RTN4R: variants seen among roughly 807,000 people sequenced by gnomAD.
RTN4R encodes reticulon-4 receptor.
A neutral mutation model predicts 27.7 loss-of-function variants in RTN4R; 4 were observed. The observed-to-expected ratio is 0.14, with a 90% confidence interval of 0.07 to 0.33. RTN4R has a LOEUF of 0.33. Among genes scored for constraint, RTN4R ranks in the 10% least tolerant of loss-of-function variants. The pLI is 1.00. For missense variants in RTN4R, 554 were observed against 671.5 expected (o/e 0.83, Z 1.93); for synonymous variants, 290 against 305.6 (o/e 0.95, Z 0.53).
intron 1 of RTN4R, among the ~76,000 whole-genome samples, chr22:20,250,607 C>T (rs1602642839): frequency 1.3e-5 from 2 of 152,308 alleles, no homozygotes; most frequent in East Asian, 1.9e-4. Context: ...AGGCTCAGCT[C>T]TGTGGAGACC....
At chr22:20,251,660 CCA>C in intron 1 of RTN4R, among the ~76,000 whole-genome samples, 1 of 112,004 alleles carries the variant, frequency 8.9e-6, no homozygotes, top group South Asian at 3.7e-4. Flanking sequence ...ATCACCATCA[CCA>C]TCCTCAACAC....
At position 20,242,638 on chromosome 22, in the gene RTN4R, C is replaced by T. The variant is rs372890795; in HGVS notation, c.495G>A (p.Ala165=). 2.6e-4 allele frequency: 425 copies of T among 1,611,688 alleles called. 4 individuals carry two copies. In the South Asian group the frequency reaches 4.0e-3, roughly 15 times the overall value. ...ALQYLYLQDN[A]LQALPDDTFR... is the part of the protein sequence containing the mutation. ...AGGTGTCATCAGGCAGTGCCTGCAG[C>T]GCGTTGTCCTGCAGGTAGAGGTACT... The change falls in exon 2 of 2, where the codon GCG becomes GCA. Residue 165 remains alanine, a synonymous_variant. Coordinates refer to ENST00000043402, the MANE Select transcript of RTN4R (RefSeq NM_023004.6).
intron 1 of RTN4R, among the ~76,000 whole-genome samples, chr22:20,266,925 C>A (rs759690131): frequency 1.3e-5 from 2 of 152,270 alleles, no homozygotes; most frequent in Non-Finnish European, 2.9e-5. Flanking sequence ...GACACGGAGG[C>A]AGGCAGGCAG....
In RTN4R at chr22:20,242,758, T is replaced by C. The variant is rs1303319249; in HGVS notation, c.375A>G (p.Thr125=). ...TGTGTAGGCGGCCCAGGCCGTGGAA[T>C]GTGGCAGGGTCCACAGACCGGAGCT... ...NAQLRSVDPA[T]FHGLGRLHTL... is the part of the protein sequence containing the mutation. The change falls in exon 2 of 2, where the codon ACA becomes ACG. Residue 125 remains threonine (T), a synonymous_variant. Transcript: ENST00000043402. 6.2e-7 allele frequency: 1 copy of C among 1,612,602 alleles called. No homozygotes were observed. Among genetic ancestry groups the C allele is most frequent in the African/African-American group, 1.3e-5 (1 of 74,920 alleles).
chr22:20,242,839 C>T lies in RTN4R; in HGVS notation c.294G>A (p.Ala98=), dbSNP rs372758551. ...LHSNVLARID[A]AAFTGLALLE... ...GGAGGGCCAGGCCAGTGAAGGCAGCCGCATCAATTCGGGCCAGCACATTCG... is the reference window on the plus strand; with the variant it reads ...GGAGGGCCAGGCCAGTGAAGGCAGCTGCATCAATTCGGGCCAGCACATTCG... Residue 98 remains alanine (A), a synonymous_variant, in exon 2 of 2, where the codon GCG becomes GCA. Coordinates refer to ENST00000043402, the MANE Select transcript of RTN4R (RefSeq NM_023004.6). 133 of 1,613,042 alleles carry T rather than the reference C, an allele frequency of 8.2e-5. No individual in the cohort carries two copies. Among genetic ancestry groups the T allele is most frequent in the Admixed American group, 4.2e-4 (25 of 60,026 alleles).
chr22:20,245,287 C>T (rs1602638807), intron 1 of RTN4R, among the ~76,000 whole-genome samples: 1 of 152,196 alleles, frequency 6.6e-6, no homozygotes. Flanking sequence ...TTCTGAGAGT[C>T]GGGTGAGGTG....
At chr22:20,259,862 C>G (rs1421283747) in intron 1 of RTN4R, among the ~76,000 whole-genome samples, 1 of 152,188 alleles carries the variant, frequency 6.6e-6, no homozygotes, top group South Asian at 2.1e-4. Context: ...TAGAGCATGT[C>G]AAGAACCTCA....
rs1183430446 is a variant in RTN4R, at chr22:20,241,988, G to A, written c.1145C>T (p.Ser382Leu). Residue 382 changes from serine to leucine, a missense_variant, in exon 2 of 2, where the codon TCA becomes TTA. Around this residue, in one of 2 missense-constraint regions of RTN4R, gnomAD observed 413 missense variants for 542.3 expected, o/e 0.76. Coordinates refer to ENST00000043402, the MANE Select transcript of RTN4R (RefSeq NM_023004.6). The stretch of plus-strand genomic sequence containing the variant: ...AGAGCCAGGCAGAGTCCCAAAGGGT[G>A]AGTCATTGATGTGCCGTGGGCCAGA... ...NGSGPRHIND[S>L]PFGTLPGSAE... The A allele has an allele frequency of 6.2e-7, 1 of 1,610,298 alleles. No individual in the cohort carries two copies. The highest frequency in any genetic ancestry group is 8.5e-7 in the Non-Finnish European group (1 of 1,179,860).
At chr22:20,266,181 AG>A in intron 1 of RTN4R, among the ~76,000 whole-genome samples, 1 of 152,330 alleles carries the variant, frequency 6.6e-6, no homozygotes, top group Non-Finnish European at 1.5e-5. Flanking sequence ...GAGACTGGCC[AG>A]CCCCACTGCT....
In RTN4R at chr22:20,241,611, T is replaced by TGCCCC; in HGVS notation, c.*95_*99dup. 7.3e-7 allele frequency: 1 copy of TGCCCC among 1,362,912 alleles called. No homozygotes were observed. The highest frequency in any genetic ancestry group is 1.0e-6 in the Non-Finnish European group (1 of 985,918). 84.4% of individuals were successfully genotyped at this position (1,362,912 alleles called of 1,614,324 possible). On this transcript the variant is annotated 3_prime_UTR_variant, in exon 2 of 2. Transcript: ENST00000043402. ...CCATCAGGGAGGACCTGGCCTGGCCTGCCCCACGGGTCGGCCGCCCGGCTG... is the reference window on the plus strand; with the variant it reads ...CCATCAGGGAGGACCTGGCCTGGCCTGCCCCGCCCCACGGGTCGGCCGCCCGGCTG...
intron 1 of RTN4R, among the ~76,000 whole-genome samples, chr22:20,258,770 G>C (rs1327784934): frequency 6.6e-6 from 1 of 152,212 alleles, no homozygotes; most frequent in Non-Finnish European, 1.5e-5. Flanking sequence ...CTGGGGGCCA[G>C]GGGATCCTGA....
chr22:20,265,318 C>G (rs2051270947), intron 1 of RTN4R, among the ~76,000 whole-genome samples: 2 of 152,204 alleles, frequency 1.3e-5, no homozygotes, highest in South Asian at 2.1e-4. Flanking sequence ...AACCCTGGCC[C>G]CTCCACAGGC....
chr22:20,257,264 G>C (rs539003146), intron 1 of RTN4R, among the ~76,000 whole-genome samples: 98 of 152,338 alleles, frequency 6.4e-4, no homozygotes, highest in Admixed American at 1.3e-3. Flanking sequence ...TAGCAACATG[G>C]ATAGCTTTAC....
At chr22:20,248,656 C>A (rs2051156622) in intron 1 of RTN4R, among the ~76,000 whole-genome samples, 1 of 152,158 alleles carries the variant, frequency 6.6e-6, no homozygotes, top group African/African-American at 2.4e-5. Context: ...CCCAGGCACT[C>A]ACGGTCCAGG....
intron 1 of RTN4R, among the ~76,000 whole-genome samples, chr22:20,249,889 C>G (rs970643882): frequency 6.6e-6 from 1 of 152,208 alleles, no homozygotes; most frequent in African/African-American, 2.4e-5. Flanking sequence ...TTCTCAGCAG[C>G]CTTGGATCAG....
At chr22:20,245,242 G>C (rs1269989434) in intron 1 of RTN4R, among the ~76,000 whole-genome samples, 1 of 152,184 alleles carries the variant, frequency 6.6e-6, no homozygotes, top group Non-Finnish European at 1.5e-5. Context: ...ACACGGCTCG[G>C]TTCCTGCCGA....
intron 1 of RTN4R, among the ~76,000 whole-genome samples, chr22:20,265,740 G>A (rs2051273284): frequency 6.6e-6 from 1 of 152,230 alleles, no homozygotes; most frequent in South Asian, 2.1e-4. Context: ...GGGGCCAGCT[G>A]GCAGTGCAAA....
Position 20,241,782 on chromosome 22 carries a change from G to A in RTN4R, c.1351C>T (p.Pro451Ser). The change falls in exon 2 of 2, where the codon CCC becomes TCC. Residue 451 changes from proline to serine, a missense_variant. By Grantham distance (74) the Pro-to-Ser change is moderately conservative. Coordinates refer to ENST00000043402, the MANE Select transcript of RTN4R (RefSeq NM_023004.6). ...TGDSEGSGAL[P>S]SLTCSLTPLG... Reference sequence around the variant, plus strand: ...GGGGTGAGGCTGCAGGTGAGGCTGGGTAGGGCACCTGAGCCTTCTGAGTCA... The same window carrying A: ...GGGGTGAGGCTGCAGGTGAGGCTGGATAGGGCACCTGAGCCTTCTGAGTCA... The A allele has an allele frequency of 1.3e-6, 2 of 1,559,186 alleles. No homozygotes were observed. Among genetic ancestry groups the A allele is most frequent in the South Asian group, 1.2e-5 (1 of 85,192 alleles).
rs115015860 is a variant in RTN4R, at chr22:20,259,096, C to T, written c.22+8975G>A. 9.6e-3 allele frequency among the ~76,000 whole-genome samples: 1,459 copies of T among 152,198 alleles called. 29 individuals carry two copies. Among genetic ancestry groups the T allele is most frequent in the African/African-American group, 0.034 (1,413 of 41,510 alleles). On this transcript the variant is annotated intron_variant, in intron 1 of 1. Coordinates refer to ENST00000043402, the MANE Select transcript of RTN4R (RefSeq NM_023004.6). Reference sequence around the variant, plus strand: ...TGGCTATGACAGAGGCCCTGGTGGGCAGCTCGGGGTTGGGGACAGGCCAAG... The same window carrying T: ...TGGCTATGACAGAGGCCCTGGTGGGTAGCTCGGGGTTGGGGACAGGCCAAG...
Sources: allele counts gnomAD v4.1 joint callset (sites outside exome capture counted in the v4.1 genomes callset), GRCh38; gene constraint gnomAD v4.1.1; regional missense constraint gnomAD v4.1.1; transcripts MANE v1.5; gene names NCBI Gene and HGNC (gene_info 2026-07-23, HGNC 2026-07-21).